The following TRIM24 variants were observed in gnomAD, a reference collection of about 807,000 sequenced individuals.
TRIM24 encodes the protein transcription intermediary factor 1-alpha.
In TRIM24, 29 loss-of-function variants were observed where a neutral mutation model predicts 123.9. That is an observed-to-expected ratio of 0.23 (90% confidence interval 0.17 to 0.32). The LOEUF is 0.32. Among genes scored for constraint, TRIM24 ranks in the 10% least tolerant of loss-of-function variants. The probability of loss-of-function intolerance (pLI) is 1.00; values close to 1 mark genes in which losing one functional copy is unlikely to be tolerated. For missense variants in TRIM24, 932 were observed against 1,295.3 expected, an observed-to-expected ratio of 0.72 and a Z score of 4.31; for synonymous variants, 456 against 461.1, an observed-to-expected ratio of 0.99 and a Z score of 0.14.
intron 1 of TRIM24, among the ~76,000 whole-genome samples, chr7:138,499,291 GT>G (rs760287944): frequency 9.2e-5 from 14 of 152,142 alleles, no homozygotes; most frequent in Admixed American, 5.9e-4. Context: ...TATGAAGGAT[GT>G]TCACTGTGTA....
chr7:138,562,858 A>G (rs1048066272), intron 9 of TRIM24, among the ~76,000 whole-genome samples: 1 of 152,130 alleles, frequency 6.6e-6, no homozygotes, highest in African/African-American at 2.4e-5. Context: ...AGTCAGGTTT[A>G]GAGTCATATC....
At chr7:138,518,411 A>G (rs937908418) in intron 3 of TRIM24, among the ~76,000 whole-genome samples, 9 of 152,192 alleles carry the variant, frequency 5.9e-5, no homozygotes, top group African/African-American at 2.2e-4. Flanking sequence ...TTTAATTATT[A>G]GTAAGATAAC....
chr7:138,522,127 TA>T (rs1482035097), intron 4 of TRIM24, among the ~76,000 whole-genome samples: 5 of 151,754 alleles, frequency 3.3e-5, no homozygotes, highest in African/African-American at 1.2e-4. Context: ...AATAAGTAAG[TA>T]AGTAAATAAA....
At chr7:138,496,532 A>G (rs1423768332) in intron 1 of TRIM24, among the ~76,000 whole-genome samples, 1 of 152,192 alleles carries the variant, frequency 6.6e-6, no homozygotes, top group Non-Finnish European at 1.5e-5. Context: ...TCTGTATTTC[A>G]TCATTAAATA....
intron 9 of TRIM24, among the ~76,000 whole-genome samples, chr7:138,563,147 A>G (rs1477256630): frequency 6.6e-6 from 1 of 152,096 alleles, no homozygotes; most frequent in Non-Finnish European, 1.5e-5. Flanking sequence ...CCCACTTCTA[A>G]TGTGACCATG....
chr7:138,568,379 C>CTTTTTTTTTTTTTTTTTTTGTTTTTTT (rs1797580244), intron 10 of TRIM24, among the ~76,000 whole-genome samples: 1 of 68,682 alleles, frequency 1.5e-5, no homozygotes, highest in Non-Finnish European at 2.5e-5. Context: ...ACCTGGCCTC[C>CTTTTTTTTTTTTTTTTTTTGTTTTTTT]TTTTTTTTTT....
chr7:138,495,068 T>C (rs1351222128), intron 1 of TRIM24, among the ~76,000 whole-genome samples: 1 of 152,118 alleles, frequency 6.6e-6, no homozygotes, highest in Non-Finnish European at 1.5e-5. Flanking sequence ...CAGTACAATG[T>C]TTTTTGCAAA....
chr7:138,549,063 T>G (rs1192559925), intron 7 of TRIM24, among the ~76,000 whole-genome samples: 2 of 152,204 alleles, frequency 1.3e-5, no homozygotes, highest in East Asian at 3.8e-4. Context: ...CATAAACCAG[T>G]AACATAGTCA....
At position 138,585,596 on chromosome 7, in the gene TRIM24, T is replaced by G. The variant is rs1229691261; in HGVS notation, c.*645T>G. 5.4e-4 allele frequency: 61 copies of G among 112,252 alleles called. No individual in the cohort carries two copies. The Admixed American group carries it at 6.6e-3, about 12-fold the overall frequency. The allele number at this position is 112,252 out of a possible 1,614,324, so 7.0% of individuals were successfully genotyped here. A position where few individuals can be genotyped will look rare whatever the true frequency, so the allele number is the denominator to read the frequency against. On this transcript the variant is annotated 3_prime_UTR_variant, in exon 19 of 19. Coordinates refer to ENST00000343526, the MANE Select transcript of TRIM24 (RefSeq NM_015905.3). ...AAAAATCCGGAAAACAAATGTTTGA[T>G]TTTTGTTTTTGTTTTTATCTTGTCT...
intron 7 of TRIM24, among the ~76,000 whole-genome samples, chr7:138,541,870 G>A (rs917849108): frequency 1.3e-5 from 2 of 152,150 alleles, no homozygotes; most frequent in Non-Finnish European, 2.9e-5. Context: ...GCTTCACCTT[G>A]TACTTTTATA....
intron 5 of TRIM24, among the ~76,000 whole-genome samples, chr7:138,528,092 G>A (rs981210384): frequency 5.3e-5 from 8 of 151,804 alleles, no homozygotes; most frequent in Non-Finnish European, 1.2e-4. Flanking sequence ...CTTGCTATGC[G>A]GCCTAGATGG....
At chr7:138,534,307 G>A (rs1796816535) in intron 6 of TRIM24, among the ~76,000 whole-genome samples, 1 of 152,060 alleles carries the variant, frequency 6.6e-6, no homozygotes, top group Admixed American at 6.6e-5. Flanking sequence ...TGTGATGTTA[G>A]GGTGTCAATT....
intron 1 of TRIM24, among the ~76,000 whole-genome samples, chr7:138,502,709 C>G (rs1796067837): frequency 6.6e-6 from 1 of 152,122 alleles, no homozygotes; most frequent in Non-Finnish European, 1.5e-5. Flanking sequence ...TACGTTTACT[C>G]CATCTTCTCT....
intron 16 of TRIM24, among the ~76,000 whole-genome samples, chr7:138,581,278 T>A (rs958204101): frequency 2.0e-5 from 3 of 152,190 alleles, no homozygotes; most frequent in Non-Finnish European, 4.4e-5. Context: ...GATAAACCCA[T>A]AAAGCAGGGA....
intron 2 of TRIM24, among the ~76,000 whole-genome samples, chr7:138,510,149 G>C (rs967432397): frequency 6.6e-6 from 1 of 152,224 alleles, no homozygotes; most frequent in African/African-American, 2.4e-5. Context: ...AGGAAGAAAA[G>C]AGGAAGCCGA....
chr7:138,534,678 A>G (rs942573328), intron 6 of TRIM24, among the ~76,000 whole-genome samples: 23 of 152,278 alleles, frequency 1.5e-4, no homozygotes, highest in African/African-American at 5.5e-4. Context: ...TGCTGAGAAG[A>G]ATGTATATTC....
chr7:138,467,460 G>A (rs1795169148), intron 1 of TRIM24, among the ~76,000 whole-genome samples: 1 of 152,148 alleles, frequency 6.6e-6, no homozygotes, highest in Admixed American at 6.5e-5. Context: ...TCCTGCCTCA[G>A]CCTCCTGAGT....
chr7:138,495,919 A>G (rs1043133989), intron 1 of TRIM24, among the ~76,000 whole-genome samples: 1 of 152,112 alleles, frequency 6.6e-6, no homozygotes. Context: ...ATCGATATGT[A>G]TATGTCTGTT....
intron 1 of TRIM24, among the ~76,000 whole-genome samples, chr7:138,475,059 T>A (rs770587739): frequency 6.6e-6 from 1 of 152,248 alleles, no homozygotes; most frequent in African/African-American, 2.4e-5. Flanking sequence ...GTTAGAGAAT[T>A]AAGTTTCAGA....
Sources: gnomAD v4.1 joint callset for allele counts (sites outside exome capture counted in the v4.1 genomes callset) on GRCh38, gnomAD v4.1.1 for gene constraint, MANE v1.5 for transcripts, NCBI Gene and HGNC (gene_info 2026-07-23, HGNC 2026-07-21) for gene names.